Variants in PCDH19 observed in about 807,000 individuals in gnomAD.
PCDH19 encodes protocadherin-19.
Under a neutral mutation model 46.2 loss-of-function variants are expected in PCDH19, and 6 were observed. The observed-to-expected ratio is 0.13, with a 90% CI of 0.07 to 0.26. The LOEUF is 0.26. Among genes scored for constraint, PCDH19 ranks in the 10% least tolerant of loss-of-function variants. PCDH19 has a pLI of 1.00. For synonymous variants in PCDH19, 481 were observed against 415.7 expected, an observed-to-expected ratio of 1.16 and a Z score of -1.91; for missense variants, 740 against 972.3, an observed-to-expected ratio of 0.76 and a Z score of 3.18.
chrX:100,351,803 C>T (rs1174534446), intron 3 of PCDH19, among the ~76,000 whole-genome samples: 1 of 112,542 alleles, frequency 8.9e-6, no homozygotes, highest in Non-Finnish European at 1.9e-5. Flanking sequence ...ACTAACTGTA[C>T]TAGGCTCCTA....
chrX:100,333,002 A>G (rs1162289944), intron 5 of PCDH19, among the ~76,000 whole-genome samples: 3 of 106,559 alleles, frequency 2.8e-5, no homozygotes, highest in African/African-American at 1.0e-4. Flanking sequence ...ACCCATCTCA[A>G]AAAAAGAAAA....
At chrX:100,402,881 C>T (rs1928234757) in intron 2 of PCDH19, 30 bp from the exon 3 acceptor site, 2 of 1,092,068 alleles carry the variant, frequency 1.8e-6, no homozygotes, top group Non-Finnish European at 1.3e-6. Flanking sequence ...GCATGAATCA[C>T]TAACACCCTC....
intron 5 of PCDH19, among the ~76,000 whole-genome samples, chrX:100,309,218 T>C (rs1925054623): frequency 9.6e-6 from 1 of 104,123 alleles, no homozygotes; most frequent in Admixed American, 1.0e-4. Context: ...AGGAACAAAA[T>C]AATGGCATAT....
chrX:100,333,157 GGAA>G (rs1368751897), intron 5 of PCDH19, among the ~76,000 whole-genome samples: 2,899 of 54,992 alleles, frequency 0.053, 176 homozygotes, highest in South Asian at 0.089. Context: ...AAGGAAGGAA[GGAA>G]GGAAGGAAGG....
At chrX:100,401,205 A>G (rs1928169188) in intron 3 of PCDH19, among the ~76,000 whole-genome samples, 1 of 111,945 alleles carries the variant, frequency 8.9e-6, no homozygotes, top group African/African-American at 3.2e-5. Flanking sequence ...CCAAAGAGGG[A>G]CTTAAGCAAT....
In PCDH19 at chrX:100,407,512, G is replaced by C. The variant is rs1928410290; in HGVS notation, c.1086C>G (p.Ala362=). The C allele has an allele frequency of 8.3e-7, 1 of 1,211,330 alleles. No homozygotes were observed. ...NSELVEVSES[A]PPGYVIALVR... is the part of the protein sequence containing the mutation. ...CCAAGGCGATCACGTAGCCCGGGGG[G>C]GCGCTCTCGCTGACCTCCACAAGCT... The change falls in exon 1 of 6, where the codon GCC becomes GCG. Residue 362 remains alanine, a synonymous_variant. Transcript: ENST00000373034.
intron 5 of PCDH19, among the ~76,000 whole-genome samples, chrX:100,310,917 C>G (rs1925111741): frequency 9.1e-6 from 1 of 109,630 alleles, no homozygotes; most frequent in African/African-American, 3.3e-5. Flanking sequence ...ATAGTGCAAT[C>G]ATAGCTCATT....
rs60968315 is a variant in PCDH19 at position 100,363,615 on chromosome X, T to TTATATATATATA, written c.2617-12923_2617-12912dup. On this transcript the variant is annotated intron_variant, in intron 3 of 5. Coordinates refer to ENST00000373034, the MANE Select transcript of PCDH19 (RefSeq NM_001184880.2). ...AGTTGTGTTTTTGGCATGGGAAGTTTTATATATATATATATATATATATAT... is the reference window on the plus strand; with the variant it reads ...AGTTGTGTTTTTGGCATGGGAAGTTTTATATATATATATATATATATATATATATATATATAT... Among the ~76,000 whole-genome samples, 126 of 89,556 alleles carry TTATATATATATA rather than the reference T, an allele frequency of 1.4e-3. 1 individual carries two copies. Among genetic ancestry groups the TTATATATATATA allele is most frequent in the Middle Eastern group, 5.3e-3 (1 of 188 alleles). 77.8% of individuals were successfully genotyped at this position (89,556 alleles called of 115,157 possible).
At chrX:100,378,256 A>T (rs1927446496) in intron 3 of PCDH19, among the ~76,000 whole-genome samples, 1 of 112,968 alleles carries the variant, frequency 8.9e-6, no homozygotes, top group Non-Finnish European at 1.9e-5. Context: ...TTTTGCTGGC[A>T]TGGAAATAAG....
intron 5 of PCDH19, among the ~76,000 whole-genome samples, chrX:100,302,672 G>A (rs1231586404): frequency 9.0e-6 from 1 of 111,503 alleles, no homozygotes; most frequent in African/African-American, 3.3e-5. Context: ...TGCAGGACTT[G>A]AGCATGTACA....
chrX:100,355,484 T>G (rs1435004746), intron 3 of PCDH19, among the ~76,000 whole-genome samples: 3 of 111,595 alleles, frequency 2.7e-5, no homozygotes, highest in Non-Finnish European at 3.8e-5. Context: ...ATATCAAAAG[T>G]AGCTTTTCTT....
chrX:100,341,859 T>A, intron 5 of PCDH19, 44 bp downstream of exon 5: 1 of 1,155,850 alleles, frequency 8.7e-7, no homozygotes, highest in Non-Finnish European at 1.2e-6. Context: ...CATTTTGGGT[T>A]CTTTGGAGTC....
chrX:100,337,146 G>T (rs902093267), intron 5 of PCDH19, among the ~76,000 whole-genome samples: 3 of 110,966 alleles, frequency 2.7e-5, no homozygotes, highest in African/African-American at 9.8e-5. Context: ...TGCAGGAACC[G>T]CATAAAGGCA....
At chrX:100,376,251 A>AG (rs1333407818) in intron 3 of PCDH19, among the ~76,000 whole-genome samples, 3 of 86,986 alleles carry the variant, frequency 3.4e-5, no homozygotes, top group African/African-American at 9.0e-5. Flanking sequence ...AAAAAAAAAA[A>AG]AAAGAAAAGA....
chrX:100,393,090 T>C lies in PCDH19; in HGVS notation c.2616+9434A>G, dbSNP rs1011917128. 3.6e-5 allele frequency among the ~76,000 whole-genome samples: 4 copies of C among 111,488 alleles called. No homozygotes were observed. The East Asian group carries it at 1.1e-3, about 32-fold the overall frequency. ...AATAATTTCTAATAAATTGAAAATA[T>C]GCACTATAAGGTATTCTTAAGCTGA... On this transcript the variant is annotated intron_variant, in intron 3 of 5. Transcript: ENST00000373034.
rs1166736252 is a variant in PCDH19 at position 100,409,452 on chromosome X, G to A, written c.-855C>T. 8.4e-6 allele frequency: 1 copy of A among 118,393 alleles called. No homozygotes were observed. Among genetic ancestry groups the A allele is most frequent in the South Asian group, 3.1e-4 (1 of 3,184 alleles). 9.8% of individuals were successfully genotyped at this position (118,393 alleles called of 1,213,427 possible). A position where few individuals can be genotyped will look rare whatever the true frequency, so the allele number is the denominator to read the frequency against. The stretch of plus-strand genomic sequence containing the variant: ...GGAGTTCCCCCCACAGAGCAGTTGA[G>A]GGTCTGCGGGCGTTTTCGTCTAGGA... On this transcript the variant is annotated 5_prime_UTR_variant, in exon 1 of 6. Coordinates refer to ENST00000373034, the MANE Select transcript of PCDH19 (RefSeq NM_001184880.2).
chrX:100,402,612 G>A lies in PCDH19; in HGVS notation c.2528C>T (p.Thr843Ile). 1 of 1,211,307 alleles carries A rather than the reference G, an allele frequency of 8.3e-7. No homozygotes were observed. ...GTGATGGTAGATGTGGTTAGCACTG[G>A]TGTTGCGGGTATTCTGGTTCTCCAC... ...LNVENQNTRN[T>I]SANHIYHHSF... is the part of the protein sequence containing the mutation. Residue 843 changes from threonine (T) to isoleucine (I), a missense_variant, in exon 3 of 6, where the codon ACC becomes ATC. By Grantham distance (89) the Thr-to-Ile change is moderately conservative. Around this residue, in one of 5 missense-constraint regions of PCDH19, gnomAD observed 416 missense variants for 476.8 expected, o/e 0.87. Transcript: ENST00000373034.
chrX:100,374,714 C>T (rs1293911687), intron 3 of PCDH19, among the ~76,000 whole-genome samples: 1 of 111,344 alleles, frequency 9.0e-6, no homozygotes, highest in East Asian at 2.8e-4. Flanking sequence ...CCGAGGCTGG[C>T]GGATCACAAG....
Position 100,296,508 on chromosome X carries a change from C to T in PCDH19, c.3216G>A (p.Lys1072=), listed in dbSNP as rs758291177. Reference sequence around the variant, plus strand: ...CGGAAGGCTTGGTGGGCAGAGAGCTCTTGAGGTGGAGGGGGGAGGTGACAG... The same window carrying T: ...CGGAAGGCTTGGTGGGCAGAGAGCTTTTGAGGTGGAGGGGGGAGGTGACAG... ...ISPVTSPLHL[K]SSLPTKPSVS... is the part of the protein sequence containing the mutation. The change falls in exon 6 of 6, where the codon AAG becomes AAA. Residue 1072 remains lysine, a synonymous_variant. Transcript: ENST00000373034. 5 of 1,211,219 alleles carry T rather than the reference C, an allele frequency of 4.1e-6. No homozygotes were observed. The South Asian group carries it at 8.8e-5, about 21-fold the overall frequency.
Sources: allele counts gnomAD v4.1 joint callset (sites outside exome capture counted in the v4.1 genomes callset), GRCh38; gene constraint gnomAD v4.1.1; regional missense constraint gnomAD v4.1.1; transcripts MANE v1.5; gene names NCBI Gene and HGNC (gene_info 2026-07-23, HGNC 2026-07-21).